The following TRPC6 variants were observed in gnomAD, a reference collection of about 807,000 sequenced individuals.
The protein encoded by TRPC6 is transient receptor potential cation channel subfamily C member 6, also known as short transient receptor potential channel 6.
Under a neutral mutation model 90.7 loss-of-function variants are expected in TRPC6, and 55 were observed. The observed-to-expected ratio is 0.61, with a 90% CI of 0.49 to 0.76. The LOEUF is 0.76. TRPC6 is among the 30% of genes least tolerant of loss of function. The pLI, the probability that TRPC6 is intolerant of heterozygous loss-of-function variation, is 0.00. For missense variants in TRPC6, 989 were observed against 1,122.7 expected (o/e 0.88, Z 1.70); for synonymous variants, 393 against 393.0 (o/e 1.00, Z 0.00).
At position 101,476,485 on chromosome 11, in the gene TRPC6, T is replaced by C; in HGVS notation, c.1560A>G (p.Glu520=). The C allele has an allele frequency of 6.2e-7, 1 of 1,614,102 alleles. No homozygotes were observed. The highest frequency in any genetic ancestry group is 8.5e-7 in the Non-Finnish European group (1 of 1,179,994). Residue 520 remains glutamate, a synonymous_variant, in exon 6 of 13, where the codon GAA becomes GAG. Transcript: ENST00000344327. ...CKEIWTQGPK[E]YLFELWNMLD... Reference sequence around the variant, plus strand: ...GCATGTTCCACAACTCAAACAAATATTCCTTGGGGCCCTGAGTCCAGATTT... The same window carrying C: ...GCATGTTCCACAACTCAAACAAATACTCCTTGGGGCCCTGAGTCCAGATTT...
intron 4 of TRPC6, among the ~76,000 whole-genome samples, chr11:101,485,272 A>G (rs1195900204): frequency 7.7e-6 from 1 of 129,638 alleles, no homozygotes; most frequent in Non-Finnish European, 1.6e-5. Context: ...TTCAAGGAGT[A>G]TTTTTGTTTT....
At chr11:101,475,590 C>T (rs148413399) in intron 6 of TRPC6, among the ~76,000 whole-genome samples, 1 of 151,990 alleles carries the variant, frequency 6.6e-6, no homozygotes, top group East Asian at 1.9e-4. Context: ...ATCCGTGTAC[C>T]CTTTGTAAAC....
chr11:101,558,465 A>G lies in TRPC6; in HGVS notation c.170+24869T>C, dbSNP rs1453893030. 6.1e-4 allele frequency among the ~76,000 whole-genome samples: 10 copies of G among 16,372 alleles called. 1 individual carries two copies. Among genetic ancestry groups the G allele is most frequent in the African/African-American group, 1.1e-3 (8 of 7,076 alleles). 10.7% of individuals were successfully genotyped at this position (16,372 alleles called of 152,430 possible). On this transcript the variant is annotated intron_variant, in intron 1 of 12. Transcript: ENST00000344327. The stretch of plus-strand genomic sequence containing the variant: ...TATATATACACACGCACACATACAC[A>G]CACACACACACACACACACACACAC...
chr11:101,454,916 T>C (rs950882722), intron 11 of TRPC6, 102 bp downstream of exon 11: 69 of 863,758 alleles, frequency 8.0e-5, no homozygotes, highest in Non-Finnish European at 9.3e-5. Context: ...AATGCATTAT[T>C]TGATATTGAG....
chr11:101,583,476 G>C lies in TRPC6; in HGVS notation c.28C>G (p.Arg10Gly), dbSNP rs758436913. 2.0e-6 allele frequency: 3 copies of C among 1,515,272 alleles called. No individual in the cohort carries two copies. Among genetic ancestry groups the C allele is most frequent in the African/African-American group, 2.8e-5 (2 of 70,708 alleles). 93.9% of individuals were successfully genotyped at this position (1,515,272 alleles called of 1,614,324 possible). Residue 10 changes from arginine (R) to glycine (G), a missense_variant, in exon 1 of 13, where the codon CGG becomes GGG. Around this residue, in one of 4 missense-constraint regions of TRPC6, gnomAD observed 194 missense variants for 136.5 expected, o/e 1.42. Coordinates refer to ENST00000344327, the MANE Select transcript of TRPC6 (RefSeq NM_004621.6). ...GCGCCCCGGGGAGAACTGCCCCTCC[G>C]GGGCCCGAACGCCGGGCTCTGGCTC... MSQSPAFGP[R>G]RGSSPRGAAG...
At chr11:101,529,217 C>T (rs1028327037) in intron 1 of TRPC6, among the ~76,000 whole-genome samples, 3 of 152,182 alleles carry the variant, frequency 2.0e-5, no homozygotes, top group Non-Finnish European at 4.4e-5. Flanking sequence ...AGGGAGTTCA[C>T]TGCCCAATAT....
At chr11:101,472,110 A>G (rs771050164) in intron 8 of TRPC6, 27 bp downstream of exon 8, 1 of 1,607,020 alleles carries the variant, frequency 6.2e-7, no homozygotes, top group Non-Finnish European at 8.5e-7. Context: ...TGAAGGCACA[A>G]ATTATAAAAA....
At chr11:101,538,455 C>T (rs575551374) in intron 1 of TRPC6, among the ~76,000 whole-genome samples, 2 of 152,124 alleles carry the variant, frequency 1.3e-5, no homozygotes, top group Non-Finnish European at 2.9e-5. Context: ...CCTTTCCTTA[C>T]CCCCTCAACC....
intron 1 of TRPC6, among the ~76,000 whole-genome samples, chr11:101,582,352 G>C (rs1399026498): frequency 1.3e-5 from 2 of 152,138 alleles, no homozygotes; most frequent in African/African-American, 2.4e-5. Context: ...TCCAACTAAA[G>C]CTGTTTATAG....
chr11:101,544,499 T>C (rs1591124844), intron 1 of TRPC6, among the ~76,000 whole-genome samples: 1 of 152,086 alleles, frequency 6.6e-6, no homozygotes, highest in African/African-American at 2.4e-5. Context: ...ATCAATGATA[T>C]ACTTGATAAA....
chr11:101,498,269 G>A (rs964784398), intron 2 of TRPC6, among the ~76,000 whole-genome samples: 1 of 152,138 alleles, frequency 6.6e-6, no homozygotes, highest in African/African-American at 2.4e-5. Flanking sequence ...GAGGTCTCAT[G>A]CTACCAAAGC....
At chr11:101,570,918 G>C (rs1253571884) in intron 1 of TRPC6, among the ~76,000 whole-genome samples, 1 of 152,124 alleles carries the variant, frequency 6.6e-6, no homozygotes, top group Non-Finnish European at 1.5e-5. Context: ...ATATCATACT[G>C]AATGGGCAAA....
chr11:101,471,585 G>A (rs966129111), intron 8 of TRPC6, among the ~76,000 whole-genome samples, 199 bp from the exon 9 acceptor site: 1 of 152,172 alleles, frequency 6.6e-6, no homozygotes, highest in Middle Eastern at 3.4e-3. Context: ...TGACAGTCTT[G>A]CAAGACTATT....
chr11:101,453,505 A>G, intron 12 of TRPC6, 145 bp downstream of exon 12: 2 of 804,412 alleles, frequency 2.5e-6, no homozygotes, highest in South Asian at 2.9e-5. Flanking sequence ...TCTTTAACAG[A>G]ACGGCGGTTG....
At chr11:101,453,139 T>A in intron 12 of TRPC6, 33 bp from the exon 13 acceptor site, 1 of 1,607,392 alleles carries the variant, frequency 6.2e-7, no homozygotes, top group Non-Finnish European at 8.5e-7. Context: ...AAGTCAACTA[T>A]AAATACGCAA....
intron 10 of TRPC6, among the ~76,000 whole-genome samples, chr11:101,466,049 A>T (rs1388400823): frequency 6.6e-6 from 1 of 152,148 alleles, no homozygotes; most frequent in Non-Finnish European, 1.5e-5. Flanking sequence ...CTCTGCTACA[A>T]GTCTGCTGGA....
intron 1 of TRPC6, among the ~76,000 whole-genome samples, chr11:101,582,773 C>A (rs1468993067): frequency 6.6e-6 from 1 of 151,984 alleles, no homozygotes; most frequent in Non-Finnish European, 1.5e-5. Flanking sequence ...GCCCCAGGAC[C>A]GGGGAGAGGT....
intron 10 of TRPC6, among the ~76,000 whole-genome samples, chr11:101,463,358 T>G (rs1194844709): frequency 6.6e-6 from 1 of 152,214 alleles, no homozygotes; most frequent in Non-Finnish European, 1.5e-5. Flanking sequence ...CTTTTTCTAT[T>G]GTTTGGAATA....
intron 1 of TRPC6, among the ~76,000 whole-genome samples, chr11:101,568,283 C>G (rs571420202): frequency 6.6e-6 from 1 of 150,444 alleles, no homozygotes. Context: ...AAGATCAACT[C>G]GAAATAAAGC....
Sources: allele counts gnomAD v4.1 joint callset (sites outside exome capture counted in the v4.1 genomes callset), GRCh38; gene constraint gnomAD v4.1.1; regional missense constraint gnomAD v4.1.1; transcripts MANE v1.5; gene names NCBI Gene and HGNC (gene_info 2026-07-23, HGNC 2026-07-21).